NMNAT3: variants seen among roughly 807,000 people sequenced by gnomAD.
The protein encoded by NMNAT3 is nicotinamide/nicotinic acid mononucleotide adenylyltransferase 3.
NMNAT3 carries 21 observed loss-of-function variants against 24.8 expected under a neutral mutation model. That is an observed-to-expected ratio of 0.85 (90% CI 0.60 to 1.22). The LOEUF (loss-of-function observed/expected upper bound fraction) is 1.22. Ranked by LOEUF, NMNAT3 falls within the 50% of genes most tolerant of loss-of-function variation. The pLI is 0.00. For missense variants in NMNAT3, 387 were observed against 436.6 expected, an observed-to-expected ratio of 0.89 and a Z score of 1.01; for synonymous variants, 136 against 155.2, an observed-to-expected ratio of 0.88 and a Z score of 0.92.
chr3:139,577,629 A>T (rs990232132), intron 5 of NMNAT3, among the ~76,000 whole-genome samples: 12 of 152,184 alleles, frequency 7.9e-5, no homozygotes, highest in African/African-American at 2.7e-4. Context: ...ATGAGAAATG[A>T]CTGCATGACT....
chr3:139,627,433 T>C (rs2056100411), intron 3 of NMNAT3, among the ~76,000 whole-genome samples, 183 bp downstream of exon 4: 1 of 152,194 alleles, frequency 6.6e-6, no homozygotes, highest in African/African-American at 2.4e-5. Flanking sequence ...GCAAGGGGTA[T>C]GACTTGTACA....
intron 1 of NMNAT3, among the ~76,000 whole-genome samples, chr3:139,671,730 G>C (rs1025694275): frequency 2.6e-5 from 4 of 152,210 alleles, no homozygotes; most frequent in Non-Finnish European, 5.9e-5. Flanking sequence ...TTGTTACTAA[G>C]TATAAGGTTT....
chr3:139,643,088 A>G (rs909132243), intron 1 of NMNAT3, among the ~76,000 whole-genome samples: 2 of 152,238 alleles, frequency 1.3e-5, no homozygotes, highest in Non-Finnish European at 2.9e-5. Flanking sequence ...TAAAGAAAAC[A>G]TATGAATGGC....
At chr3:139,675,814 C>T (rs919542126) in intron 1 of NMNAT3, among the ~76,000 whole-genome samples, 1 of 152,198 alleles carries the variant, frequency 6.6e-6, no homozygotes, top group Non-Finnish European at 1.5e-5. Flanking sequence ...CCATAATAAC[C>T]TTCTGAGGTA....
intron 3 of NMNAT3, among the ~76,000 whole-genome samples, chr3:139,611,284 C>T (rs1296448928): frequency 3.3e-5 from 5 of 152,208 alleles, no homozygotes; most frequent in South Asian, 2.1e-4. Context: ...GATGCTTTAA[C>T]GAAGTGTTGA....
intron 2 of NMNAT3, chr3:139,635,541 G>A (rs2056469561): frequency 6.6e-6 from 1 of 152,242 alleles, no homozygotes; most frequent in South Asian, 2.1e-4. Context: ...GAAGGCAGAA[G>A]AGGGGGTTAG....
intron 6 of NMNAT3, among the ~76,000 whole-genome samples, chr3:139,562,939 C>T (rs906046618): frequency 6.6e-6 from 1 of 152,188 alleles, no homozygotes; most frequent in African/African-American, 2.4e-5. Context: ...TGGTTACAAA[C>T]TAAGACTCTA....
intron 1 of NMNAT3, among the ~76,000 whole-genome samples, chr3:139,655,245 A>C (rs898340037): frequency 2.6e-5 from 4 of 152,214 alleles, no homozygotes; most frequent in Admixed American, 2.0e-4. Context: ...TATGTTGACA[A>C]GGTCAAACTT....
At chr3:139,654,059 CA>C (rs2057152968) in intron 1 of NMNAT3, among the ~76,000 whole-genome samples, 1 of 152,140 alleles carries the variant, frequency 6.6e-6, no homozygotes, top group Non-Finnish European at 1.5e-5. Flanking sequence ...GGACAGCTCC[CA>C]AAACCATCAT....
intron 3 of NMNAT3, among the ~76,000 whole-genome samples, chr3:139,596,964 A>T (rs187421713): frequency 0.049 from 5,265 of 108,282 alleles, 341 homozygotes; most frequent in African/African-American, 0.16. Context: ...ATATATATAT[A>T]TTTTTATTAC....
chr3:139,634,764 C>T (rs552537477), intron 2 of NMNAT3, 117 bp from the exon 3 acceptor site: 5 of 152,240 alleles, frequency 3.3e-5, no homozygotes, highest in Admixed American at 6.5e-5. Flanking sequence ...GAGCACAAGG[C>T]GTGGAATGAG....
chr3:139,564,671 C>T (rs567206775), intron 6 of NMNAT3, among the ~76,000 whole-genome samples: 5 of 152,200 alleles, frequency 3.3e-5, no homozygotes, highest in East Asian at 1.9e-4. Flanking sequence ...GAGCTCATCA[C>T]GTAATTTGCA....
At chr3:139,576,381 A>G in intron 5 of NMNAT3, 1 of 564,586 alleles carries the variant, frequency 1.8e-6, no homozygotes. Flanking sequence ...GTTGACTGTA[A>G]CAGTGATTCT....
chr3:139,677,243 A>T (rs982017742), intron 1 of NMNAT3, among the ~76,000 whole-genome samples: 1 of 152,152 alleles, frequency 6.6e-6, no homozygotes, highest in African/African-American at 2.4e-5. Context: ...TTGTTTGCAT[A>T]GATATCCATT....
chr3:139,598,101 T>C (rs909203364), intron 3 of NMNAT3, among the ~76,000 whole-genome samples: 5 of 152,254 alleles, frequency 3.3e-5, no homozygotes, highest in African/African-American at 1.2e-4. Flanking sequence ...GAACAGCTCA[T>C]GGCACTTAGC....
At chr3:139,635,226 G>A (rs1228745120) in intron 2 of NMNAT3, 2 of 152,190 alleles carry the variant, frequency 1.3e-5, no homozygotes, top group Non-Finnish European at 2.9e-5. Context: ...AGACCTGGCA[G>A]CCCTTGGACA....
chr3:139,614,539 C>T lies in NMNAT3; in HGVS notation c.109+13077G>A, dbSNP rs146518174. On this transcript the variant is annotated intron_variant, in intron 3 of 6. Transcript: ENST00000643695. Reference sequence around the variant, plus strand: ...GCTCTTTAGTTTGTCTTTCATGACACTGACATTTTGTATAGGCCAATTATT... The same window carrying T: ...GCTCTTTAGTTTGTCTTTCATGACATTGACATTTTGTATAGGCCAATTATT... 5.3e-3 allele frequency among the ~76,000 whole-genome samples: 806 copies of T among 152,362 alleles called. 7 individuals are homozygous for T. The highest frequency in any genetic ancestry group is 8.7e-3 in the Non-Finnish European group (594 of 68,030).
At chr3:139,580,814 C>CTT (rs35512516) in intron 4 of NMNAT3, among the ~76,000 whole-genome samples, 41 of 149,278 alleles carry the variant, frequency 2.7e-4, no homozygotes, top group Admixed American at 6.7e-4. Flanking sequence ...TTGTGATATT[C>CTT]TTTTTTTTTT....
At chr3:139,676,205 G>C (rs1425035787) in intron 1 of NMNAT3, among the ~76,000 whole-genome samples, 2 of 152,206 alleles carry the variant, frequency 1.3e-5, no homozygotes, top group Non-Finnish European at 2.9e-5. Context: ...GGGCCTCTCA[G>C]TTGGTTTTCA....
Sources: allele counts gnomAD v4.1 joint callset (sites outside exome capture counted in the v4.1 genomes callset), GRCh38; gene constraint gnomAD v4.1.1; transcripts MANE v1.5; gene names NCBI Gene and HGNC (gene_info 2026-07-23, HGNC 2026-07-21).